Variants in DIP2B observed in about 807,000 individuals in gnomAD.
DIP2B encodes disco-interacting protein 2 homolog B.
DIP2B carries 76 observed loss-of-function variants against 198.0 expected under a neutral mutation model. That is an observed-to-expected ratio of 0.38 (90% CI 0.32 to 0.46). The LOEUF is 0.46. Among genes scored for constraint, DIP2B ranks in the 20% least tolerant of loss-of-function variants. The pLI is 0.99. For missense variants in DIP2B, 1,559 were observed against 1,978.4 expected (o/e 0.79, Z 4.02); for synonymous variants, 701 against 739.1 (o/e 0.95, Z 0.84).
chr12:50,728,307 A>G (rs1939973348), intron 29 of DIP2B, among the ~76,000 whole-genome samples: 1 of 152,114 alleles, frequency 6.6e-6, no homozygotes, highest in South Asian at 2.1e-4. Context: ...AGATCGTGCC[A>G]TTGCACCGCA....
chr12:50,656,671 A>G (rs999194289), intron 3 of DIP2B, among the ~76,000 whole-genome samples: 2 of 152,176 alleles, frequency 1.3e-5, no homozygotes, highest in Admixed American at 1.3e-4. Context: ...TCCCAGGTTC[A>G]AGCAATTCTT....
chr12:50,634,339 A>G (rs1187629636), intron 2 of DIP2B, among the ~76,000 whole-genome samples: 1 of 152,188 alleles, frequency 6.6e-6, no homozygotes, highest in African/African-American at 2.4e-5. Flanking sequence ...TAGAAAGGCA[A>G]TTTCCCTGTG....
At chr12:50,510,288 TGAAAA>T (rs1322691964) in intron 1 of DIP2B, among the ~76,000 whole-genome samples, 1 of 152,236 alleles carries the variant, frequency 6.6e-6, no homozygotes, top group Non-Finnish European at 1.5e-5. Flanking sequence ...TTCACCTTAT[TGAAAA>T]GAGTAGCTTT....
chr12:50,719,002 T>C lies in DIP2B; in HGVS notation c.3009T>C (p.Pro1003=). The C allele has an allele frequency of 6.2e-7, 1 of 1,614,224 alleles. No homozygotes were observed. The highest frequency in any genetic ancestry group is 2.2e-5 in the East Asian group (1 of 44,894). The part of the protein sequence containing the change: ...EILQWRAQAT[P]DHVLFMLLNA... ...TACAGTGGCGAGCCCAGGCGACTCC[T>C]GACCATGTACTCTTCATGCTGTTAA... is the stretch of plus-strand genomic sequence containing the variant. Residue 1003 remains proline (P), a synonymous_variant, in exon 25 of 38, where the codon CCT becomes CCC. Coordinates refer to ENST00000301180, the MANE Select transcript of DIP2B (RefSeq NM_173602.3).
intron 1 of DIP2B, among the ~76,000 whole-genome samples, chr12:50,535,040 G>GC (rs1261229386): frequency 3.9e-5 from 6 of 152,122 alleles, no homozygotes; most frequent in African/African-American, 1.4e-4. Context: ...ACCAGCTTGG[G>GC]CAAGATGGTG....
At chr12:50,505,346 A>G in intron 1 of DIP2B, 106 bp downstream of exon 1, 1 of 887,398 alleles carries the variant, frequency 1.1e-6, no homozygotes, top group Middle Eastern at 3.6e-4. Flanking sequence ...GAGGGGGACG[A>G]GGGTGTAGAG....
At chr12:50,684,117 A>G (rs1333330441) in intron 10 of DIP2B, among the ~76,000 whole-genome samples, 1 of 152,232 alleles carries the variant, frequency 6.6e-6, no homozygotes, top group Non-Finnish European at 1.5e-5. Context: ...ACTCTGTTTC[A>G]GAATATAAAA....
chr12:50,549,087 T>TC (rs1958402260), intron 1 of DIP2B, among the ~76,000 whole-genome samples: 1 of 152,024 alleles, frequency 6.6e-6, no homozygotes, highest in African/African-American at 2.4e-5. Context: ...TAGTGAAACT[T>TC]TGAGTACAGC....
chr12:50,654,062 C>T (rs1043925515), intron 3 of DIP2B, among the ~76,000 whole-genome samples: 1 of 151,772 alleles, frequency 6.6e-6, no homozygotes, highest in Non-Finnish European at 1.5e-5. Flanking sequence ...TTAGTAGAGA[C>T]GGGGTTTTAC....
chr12:50,576,130 C>T (rs142734163), intron 1 of DIP2B, among the ~76,000 whole-genome samples: 2,062 of 149,758 alleles, frequency 0.014, 42 homozygotes, highest in African/African-American at 0.047. Context: ...AGTGCAGTGG[C>T]GTGATCTCGG....
chr12:50,694,536 CATACATACA>C (rs1370905606), intron 14 of DIP2B, among the ~76,000 whole-genome samples: 129 of 102,612 alleles, frequency 1.3e-3, no homozygotes, highest in African/African-American at 3.9e-3. Context: ...TACATACATA[CATACATACA>C]TACATACATA....
At chr12:50,634,832 C>T (rs1938127826) in intron 2 of DIP2B, among the ~76,000 whole-genome samples, 1 of 152,042 alleles carries the variant, frequency 6.6e-6, no homozygotes, top group South Asian at 2.1e-4. Context: ...GTTTGCACAA[C>T]TAAAAAGAAA....
chr12:50,663,286 G>T (rs930801451), intron 4 of DIP2B, among the ~76,000 whole-genome samples: 1 of 151,278 alleles, frequency 6.6e-6, no homozygotes, highest in East Asian at 1.9e-4. Flanking sequence ...TTAGCCGGGC[G>T]TGGTGGCAGC....
chr12:50,735,216 A>C (rs1940115872), intron 34 of DIP2B, 86 bp downstream of exon 34: 1 of 1,467,144 alleles, frequency 6.8e-7, no homozygotes, highest in Non-Finnish European at 9.5e-7. Flanking sequence ...ATAATATATT[A>C]GTGTCCAGGG....
chr12:50,564,602 A>G (rs895641630), intron 1 of DIP2B, among the ~76,000 whole-genome samples: 1 of 152,148 alleles, frequency 6.6e-6, no homozygotes, highest in Non-Finnish European at 1.5e-5. Context: ...TTAAGACCAT[A>G]TGAACGCCCC....
At chr12:50,630,740 C>T (rs553168420) in intron 2 of DIP2B, among the ~76,000 whole-genome samples, 16 of 133,756 alleles carry the variant, frequency 1.2e-4, no homozygotes, top group Admixed American at 8.8e-4. Flanking sequence ...GGCGTGATCT[C>T]GGCTCACTGC....
chr12:50,553,828 A>G (rs557032312), intron 1 of DIP2B, among the ~76,000 whole-genome samples: 136 of 151,952 alleles, frequency 9.0e-4, no homozygotes, highest in African/African-American at 3.1e-3. Flanking sequence ...AATTTTTTAA[A>G]TTTTTTGTGG....
chr12:50,712,637 G>A (rs949665781), intron 22 of DIP2B, among the ~76,000 whole-genome samples: 5 of 151,248 alleles, frequency 3.3e-5, no homozygotes, highest in Non-Finnish European at 7.4e-5. Flanking sequence ...GGCTGGGCAC[G>A]GTGGCTCACA....
At chr12:50,652,803 A>G (rs1005818839) in intron 3 of DIP2B, among the ~76,000 whole-genome samples, 2 of 152,112 alleles carry the variant, frequency 1.3e-5, no homozygotes, top group Non-Finnish European at 2.9e-5. Flanking sequence ...GAGATGTTTT[A>G]CAGTTTTTAA....
Sources: gnomAD v4.1 joint callset for allele counts (sites outside exome capture counted in the v4.1 genomes callset) on GRCh38, gnomAD v4.1.1 for gene constraint, MANE v1.5 for transcripts, NCBI Gene and HGNC (gene_info 2026-07-23, HGNC 2026-07-21) for gene names.